ADAP2: variants seen among roughly 807,000 people sequenced by gnomAD.
ADAP2 encodes arf-GAP with dual PH domain-containing protein 2.
A neutral mutation model predicts 54.9 loss-of-function variants in ADAP2; 42 were observed. The ratio of observed to expected loss-of-function variants is 0.77; its 90% CI spans 0.60 to 0.99. The LOEUF (loss-of-function observed/expected upper bound fraction) is 0.99. Among genes scored for constraint, ADAP2 ranks in the 50% least tolerant of loss-of-function variants. The pLI is 0.00. For synonymous variants in ADAP2, 177 were observed against 180.1 expected, an observed-to-expected ratio of 0.98 and a Z score of 0.14; for missense variants, 429 against 480.4, an observed-to-expected ratio of 0.89 and a Z score of 1.00.
chr17:30,951,654 C>CTTTT (rs1053982493), intron 7 of ADAP2, among the ~76,000 whole-genome samples: 9 of 121,024 alleles, frequency 7.4e-5, no homozygotes, highest in Non-Finnish European at 1.2e-4. Flanking sequence ...CTTTTCTTTT[C>CTTTT]TTTTTTTTTT....
chr17:30,945,567 A>G (rs1912602527), intron 6 of ADAP2, among the ~76,000 whole-genome samples: 1 of 151,954 alleles, frequency 6.6e-6, no homozygotes, highest in African/African-American at 2.4e-5. Context: ...GCCTGGTAGC[A>G]TAGTAAGACC....
Position 30,949,292 on chromosome 17 carries a change from A to G in ADAP2, c.663A>G (p.Ile221Met), listed in dbSNP as rs1240914088. 1 of 1,613,908 alleles carries G rather than the reference A, an allele frequency of 6.2e-7. No individual in the cohort carries two copies. The highest frequency in any genetic ancestry group is 8.5e-7 in the Non-Finnish European group (1 of 1,179,892). Reference protein sequence around the residue: ...LFVYHESGKEIVDWFNALRAA... With the variant: ...LFVYHESGKEMVDWFNALRAA... ...CTGTGCACTTCTCTCCGCAGGAGAT[A>G]GTGGACTGGTTCAATGCCCTCCGTG... Residue 221 changes from isoleucine (I) to methionine (M), a missense_variant, in exon 7 of 11, where the codon ATA (isoleucine) becomes ATG (methionine). Transcript: ENST00000330889.
At chr17:30,955,717 A>AG (rs1905020696) in intron 9 of ADAP2, among the ~76,000 whole-genome samples, 1 of 150,738 alleles carries the variant, frequency 6.6e-6, no homozygotes, top group Admixed American at 6.6e-5. Context: ...AAAAAAAGAA[A>AG]GAAAAAAAAA....
chr17:30,955,473 T>C (rs1359328340), intron 9 of ADAP2, among the ~76,000 whole-genome samples: 4 of 151,924 alleles, frequency 2.6e-5, no homozygotes, highest in African/African-American at 9.7e-5. Flanking sequence ...TTTGGAAGGC[T>C]GAGGCGGGGC....
chr17:30,940,322 C>T (rs879262075), intron 5 of ADAP2, among the ~76,000 whole-genome samples: 12 of 121,638 alleles, frequency 9.9e-5, no homozygotes, highest in African/African-American at 1.8e-4. Flanking sequence ...TTTTTTTTTT[C>T]GAGATGGAGT....
intron 2 of ADAP2, 78 bp from the exon 3 acceptor site, chr17:30,926,749 C>G: frequency 7.7e-7 from 1 of 1,305,614 alleles, no homozygotes; most frequent in Admixed American, 1.7e-5. Flanking sequence ...TCTGACTCAG[C>G]CTAAGTCAGT....
At chr17:30,948,282 A>G (rs1904319737) in intron 6 of ADAP2, among the ~76,000 whole-genome samples, 1 of 152,124 alleles carries the variant, frequency 6.6e-6, no homozygotes, top group African/African-American at 2.4e-5. Context: ...TAATTAGAAA[A>G]TCACTCTGGC....
chr17:30,938,178 G>A (rs982148500), intron 5 of ADAP2, among the ~76,000 whole-genome samples: 1 of 152,202 alleles, frequency 6.6e-6, no homozygotes, highest in Admixed American at 6.6e-5. Flanking sequence ...ATTTGAGGAG[G>A]CCTCGGCTGT....
At chr17:30,922,906 C>T in intron 1 of ADAP2, 34 bp from the exon 2 acceptor site, 2 of 1,604,346 alleles carry the variant, frequency 1.2e-6, no homozygotes, top group Non-Finnish European at 1.7e-6. Flanking sequence ...ACCGCGCTTT[C>T]CGCTCAGCTC....
rs1197546170 is a variant in ADAP2 at position 30,957,832 on chromosome 17, C to A, written c.1112-3C>A. 1.4e-5 allele frequency: 22 copies of A among 1,613,664 alleles called. No homozygotes were observed. Among genetic ancestry groups the A allele is most frequent in the Non-Finnish European group, 1.8e-5 (21 of 1,179,888 alleles). ...CCCTCAGCCCTCTTCATTTCCCTTGCAGCTGCATCAACAGAGAGTGGCCGC... is the reference window on the plus strand; with the variant it reads ...CCCTCAGCCCTCTTCATTTCCCTTGAAGCTGCATCAACAGAGAGTGGCCGC... On this transcript the variant is annotated splice_polypyrimidine_tract_variant and splice_region_variant and intron_variant, in intron 10 of 10. Transcript: ENST00000330889.
chr17:30,939,873 A>G (rs749977585), intron 5 of ADAP2, among the ~76,000 whole-genome samples: 2 of 152,206 alleles, frequency 1.3e-5, no homozygotes, highest in South Asian at 2.1e-4. Flanking sequence ...CACTTTTATA[A>G]GTGATGACAC....
intron 3 of ADAP2, among the ~76,000 whole-genome samples, chr17:30,931,097 T>A (rs771560585): frequency 1.3e-4 from 20 of 152,132 alleles, no homozygotes; most frequent in Admixed American, 3.3e-4. Flanking sequence ...CTGCCCAGAC[T>A]TCATGGGCAG....
intron 10 of ADAP2, 91 bp from the exon 11 acceptor site, chr17:30,957,744 T>A: frequency 1.5e-6 from 2 of 1,334,882 alleles, no homozygotes; most frequent in Non-Finnish European, 2.1e-6. Flanking sequence ...GCTCCCTCTG[T>A]CTTTGTACGC....
chr17:30,942,008 C>T (rs570678604), intron 5 of ADAP2, among the ~76,000 whole-genome samples: 1 of 151,858 alleles, frequency 6.6e-6, no homozygotes, highest in Non-Finnish European at 1.5e-5. Flanking sequence ...TGGGGTCAAG[C>T]GATTCTCCTT....
chr17:30,942,573 A>G (rs1400155085), intron 5 of ADAP2, among the ~76,000 whole-genome samples: 1 of 152,238 alleles, frequency 6.6e-6, no homozygotes, highest in African/African-American at 2.4e-5. Flanking sequence ...ATAGCAAAAA[A>G]TCAGGAACAA....
intron 1 of ADAP2, 24 bp downstream of exon 1, chr17:30,922,132 G>A: frequency 8.1e-7 from 1 of 1,227,954 alleles, no homozygotes; most frequent in Non-Finnish European, 1.0e-6. Context: ...GGCGCGGGCA[G>A]CGCGAGACCC....
At chr17:30,926,049 G>A (rs1008174543) in intron 2 of ADAP2, among the ~76,000 whole-genome samples, 1 of 152,042 alleles carries the variant, frequency 6.6e-6, no homozygotes, top group African/African-American at 2.4e-5. Context: ...TCATTTTTAC[G>A]GGTGAGATTC....
intron 3 of ADAP2, among the ~76,000 whole-genome samples, chr17:30,930,239 T>G (rs1427172590): frequency 1.3e-5 from 2 of 151,806 alleles, no homozygotes; most frequent in Non-Finnish European, 2.9e-5. Flanking sequence ...GCCCAGCTAA[T>G]TTTTGTATTT....
chr17:30,941,418 T>C (rs1439144874), intron 5 of ADAP2, among the ~76,000 whole-genome samples: 1 of 152,236 alleles, frequency 6.6e-6, no homozygotes, highest in Non-Finnish European at 1.5e-5. Flanking sequence ...CCGTAAACTT[T>C]TCTGAAAGCA....
Sources: allele counts gnomAD v4.1 joint callset (sites outside exome capture counted in the v4.1 genomes callset), GRCh38; gene constraint gnomAD v4.1.1; transcripts MANE v1.5; gene names NCBI Gene and HGNC (gene_info 2026-07-23, HGNC 2026-07-21).